PPARGC1A: variants seen among roughly 807,000 people sequenced by gnomAD.
The protein encoded by PPARGC1A is peroxisome proliferator-activated receptor gamma coactivator 1-alpha.
Under a neutral mutation model 88.7 loss-of-function variants are expected in PPARGC1A, and 25 were observed. The ratio of observed to expected loss-of-function variants is 0.28; its 90% CI spans 0.21 to 0.39. PPARGC1A has a LOEUF of 0.39. PPARGC1A is among the 10% of genes least tolerant of loss of function. The pLI, the probability that PPARGC1A is intolerant of heterozygous loss-of-function variation, is 1.00. For synonymous variants in PPARGC1A, 363 were observed against 355.6 expected, an observed-to-expected ratio of 1.02 and a Z score of -0.24; for missense variants, 880 against 968.7, an observed-to-expected ratio of 0.91 and a Z score of 1.22.
At chr4:24,103,727 T>C in the PPARGC1A span, among the ~76,000 whole-genome samples, 1 of 152,124 alleles carries the variant, frequency 6.6e-6, no homozygotes, top group Non-Finnish European at 1.5e-5. Flanking sequence ...AAGCCTACTC[T>C]AGTAACACAG....
At chr4:24,409,527 G>A in the PPARGC1A span, among the ~76,000 whole-genome samples, 13 of 152,306 alleles carry the variant, frequency 8.5e-5, no homozygotes, top group Admixed American at 7.8e-4. Flanking sequence ...TACTAGTGTT[G>A]CAAGCTGTAA....
chr4:24,191,676 G>A, the PPARGC1A span, among the ~76,000 whole-genome samples: 1 of 152,122 alleles, frequency 6.6e-6, no homozygotes, highest in Admixed American at 6.5e-5. Flanking sequence ...AAAAAAGAAG[G>A]AAAAGGAGAA....
chr4:23,803,563 G>T (rs1719180983), intron 10 of PPARGC1A, among the ~76,000 whole-genome samples: 1 of 152,078 alleles, frequency 6.6e-6, no homozygotes, highest in Admixed American at 6.6e-5. Context: ...GCACAGAAAT[G>T]CATTCTTAGT....
At chr4:23,837,847 T>C (rs10755203) in intron 2 of PPARGC1A, among the ~76,000 whole-genome samples, 125,467 of 152,128 alleles carry the variant, frequency 0.82, 51,853 homozygotes, top group Admixed American at 0.87. Context: ...GAGGTGTGTC[T>C]CTTTCTTGAA....
chr4:24,241,156 T>G, the PPARGC1A span, among the ~76,000 whole-genome samples: 2 of 152,248 alleles, frequency 1.3e-5, no homozygotes, highest in African/African-American at 4.8e-5. Flanking sequence ...AAAGTTTGTG[T>G]ATACTTTCTA....
the PPARGC1A span, among the ~76,000 whole-genome samples, chr4:24,382,734 C>G: frequency 6.6e-6 from 1 of 152,194 alleles, no homozygotes; most frequent in East Asian, 1.9e-4. Flanking sequence ...GCAGCAGCAC[C>G]AGTCAGGGGC....
chr4:24,124,687 G>A, the PPARGC1A span, among the ~76,000 whole-genome samples: 3 of 152,018 alleles, frequency 2.0e-5, no homozygotes, highest in African/African-American at 4.8e-5. Flanking sequence ...TTTTAGGAAG[G>A]AGATGCAAAT....
At chr4:24,436,742 G>A in the PPARGC1A span, among the ~76,000 whole-genome samples, 1 of 139,804 alleles carries the variant, frequency 7.2e-6, no homozygotes, top group Non-Finnish European at 1.5e-5. Context: ...CCAGAGCCCG[G>A]GTCACAGAGC....
the PPARGC1A span, among the ~76,000 whole-genome samples, chr4:24,039,469 A>T: frequency 6.6e-6 from 1 of 152,188 alleles, no homozygotes; most frequent in Non-Finnish European, 1.5e-5. Flanking sequence ...ATTTAAGGCT[A>T]CAAAGAATCT....
the PPARGC1A span, among the ~76,000 whole-genome samples, chr4:24,209,573 C>T: frequency 6.6e-6 from 1 of 152,278 alleles, no homozygotes; most frequent in East Asian, 1.9e-4. Flanking sequence ...GCTGAGAAGT[C>T]CTGCCCTAAA....
the PPARGC1A span, among the ~76,000 whole-genome samples, chr4:24,192,433 G>A: frequency 6.6e-6 from 1 of 152,212 alleles, no homozygotes; most frequent in East Asian, 1.9e-4. Context: ...AGTAGTTAAT[G>A]TTTAGCTGAA....
At chr4:24,175,169 T>C in the PPARGC1A span, among the ~76,000 whole-genome samples, 2 of 152,092 alleles carry the variant, frequency 1.3e-5, no homozygotes, top group African/African-American at 4.8e-5. Flanking sequence ...TAGACTAAAA[T>C]GGACCCCAAG....
At chr4:24,266,338 T>C in the PPARGC1A span, among the ~76,000 whole-genome samples, 3 of 152,136 alleles carry the variant, frequency 2.0e-5, no homozygotes, top group African/African-American at 7.2e-5. Flanking sequence ...AAAATGCAGC[T>C]GCTCTGTTAG....
In PPARGC1A at chr4:23,801,855, C is replaced by T. The variant is rs762968862; in HGVS notation, c.2168G>A (p.Arg723His). Reference sequence around the variant, plus strand: ...AGCAGCAAAAGCATCACAGGTATAACGGTAGGTAATGAAACCATAGCTGTC... The same window carrying T: ...AGCAGCAAAAGCATCACAGGTATAATGGTAGGTAATGAAACCATAGCTGTC... ...DGDSYGFITY[R>H]YTCDAFAALE... Residue 723 changes from arginine to histidine, a missense_variant, in exon 12 of 13, where the codon CGT becomes CAT. Physicochemically the swap from Arg to His is conservative, Grantham distance 29 (BLOSUM62 0). Coordinates refer to ENST00000264867, the MANE Select transcript of PPARGC1A (RefSeq NM_013261.5). 15 of 1,613,808 alleles carry T rather than the reference C, an allele frequency of 9.3e-6. No homozygotes were observed. Among genetic ancestry groups the T allele is most frequent in the Admixed American group, 6.7e-5 (4 of 59,990 alleles).
At chr4:24,066,385 TGAAAGA>T in the PPARGC1A span, among the ~76,000 whole-genome samples, 1 of 152,180 alleles carries the variant, frequency 6.6e-6, no homozygotes, top group Non-Finnish European at 1.5e-5. Context: ...TTGCTTCACC[TGAAAGA>T]GAGTTTTAAA....
intron 2 of PPARGC1A, chr4:23,884,056 A>T (rs1189566778): frequency 6.6e-6 from 1 of 152,202 alleles, no homozygotes; most frequent in Non-Finnish European, 1.5e-5. Context: ...GTAAATGAGT[A>T]CTGATCTTGT....
At chr4:24,059,940 G>T in the PPARGC1A span, among the ~76,000 whole-genome samples, 1 of 152,168 alleles carries the variant, frequency 6.6e-6, no homozygotes, top group Non-Finnish European at 1.5e-5. Context: ...GCTCTGGAAG[G>T]AATAAGTTTT....
chr4:24,238,950 T>C, the PPARGC1A span, among the ~76,000 whole-genome samples: 6 of 152,158 alleles, frequency 3.9e-5, no homozygotes, highest in African/African-American at 9.7e-5. Context: ...CTGTTTCCTA[T>C]AGATATTTAC....
intron 12 of PPARGC1A, among the ~76,000 whole-genome samples, chr4:23,800,090 T>C (rs1718388549): frequency 6.6e-6 from 1 of 152,134 alleles, no homozygotes; most frequent in Admixed American, 6.6e-5. Context: ...ACATCACCTG[T>C]ATCAATTACT....
Sources: allele counts gnomAD v4.1 joint callset (sites outside exome capture counted in the v4.1 genomes callset), GRCh38; gene constraint gnomAD v4.1.1; transcripts MANE v1.5; gene names NCBI Gene and HGNC (gene_info 2026-07-23, HGNC 2026-07-21).